The following COL10A1 variants were observed in gnomAD, a reference collection of about 807,000 sequenced individuals.
COL10A1 encodes collagen type X alpha 1 chain.
A neutral mutation model predicts 18.2 loss-of-function variants in COL10A1; 10 were observed. The observed-to-expected ratio is 0.55, with a 90% confidence interval of 0.34 to 0.93. The LOEUF (loss-of-function observed/expected upper bound fraction) is 0.93. COL10A1 is among the 40% of genes least tolerant of loss of function. The pLI, the probability that COL10A1 is intolerant of heterozygous loss-of-function variation, is 0.02. For missense variants in COL10A1, 897 were observed against 853.5 expected (o/e 1.05, Z -0.64); for synonymous variants, 330 against 316.6 (o/e 1.04, Z -0.45).
the COL10A1 span, among the ~76,000 whole-genome samples, chr6:116,195,339 A>C: frequency 6.6e-6 from 1 of 152,004 alleles, no homozygotes; most frequent in Admixed American, 6.6e-5. Flanking sequence ...AAACATTGGA[A>C]ATTTTTTTGG....
chr6:116,211,404 A>T, the COL10A1 span, among the ~76,000 whole-genome samples: 7 of 152,058 alleles, frequency 4.6e-5, no homozygotes, highest in African/African-American at 1.7e-4. Flanking sequence ...AATACAATGA[A>T]TTTTCTCTAG....
chr6:116,184,891 C>T, the COL10A1 span, among the ~76,000 whole-genome samples: 55 of 151,822 alleles, frequency 3.6e-4, no homozygotes, highest in Middle Eastern at 3.4e-3. Flanking sequence ...TTGCTCTGAT[C>T]TTGATTATTT....
the COL10A1 span, among the ~76,000 whole-genome samples, chr6:116,214,044 A>G: frequency 2.6e-5 from 4 of 152,106 alleles, no homozygotes. Context: ...CCATAATTTA[A>G]TGAGATTTTA....
At chr6:116,187,903 A>G in the COL10A1 span, among the ~76,000 whole-genome samples, 1 of 152,082 alleles carries the variant, frequency 6.6e-6, no homozygotes, top group Admixed American at 6.6e-5. Flanking sequence ...AAAAATTACT[A>G]AGAACGAAAG....
At chr6:116,163,141 A>AAAAAAT (rs761718922), upstream of COL10A1, among the ~76,000 whole-genome samples, 134 of 88,382 alleles carry the variant, frequency 1.5e-3, 3 homozygotes, top group African/African-American at 2.9e-3. Flanking sequence ...AAAAAAAAAA[A>AAAAAAT]ATATATATAT....
At chr6:116,170,292 G>T in the COL10A1 span, among the ~76,000 whole-genome samples, 10,264 of 152,074 alleles carry the variant, frequency 0.067, 534 homozygotes, top group Admixed American at 0.16. Flanking sequence ...AGATAATTGT[G>T]GTGTATATAT....
the COL10A1 span, among the ~76,000 whole-genome samples, chr6:116,178,695 C>T: frequency 2.6e-5 from 4 of 152,252 alleles, no homozygotes; most frequent in African/African-American, 7.2e-5. Flanking sequence ...TATTGTACTT[C>T]CAGAAATATA....
At chr6:116,192,577 T>C in the COL10A1 span, among the ~76,000 whole-genome samples, 2 of 152,196 alleles carry the variant, frequency 1.3e-5, no homozygotes, top group East Asian at 1.9e-4. Context: ...TTTCTTTTGA[T>C]ATAAAGTCAA....
intron 1 of COL10A1, among the ~76,000 whole-genome samples, chr6:116,154,985 A>G (rs1338656885): frequency 2.0e-5 from 3 of 152,210 alleles, no homozygotes; most frequent in African/African-American, 7.2e-5. Context: ...TTTCTGTTTA[A>G]CTTTTACTCC....
At chr6:116,171,355 AT>A in the COL10A1 span, among the ~76,000 whole-genome samples, 36 of 152,312 alleles carry the variant, frequency 2.4e-4, no homozygotes, top group African/African-American at 8.7e-4. Flanking sequence ...GAGACCAGGA[AT>A]TATAAATAGA....
At chr6:116,182,218 G>GGA in the COL10A1 span, among the ~76,000 whole-genome samples, 24,886 of 133,302 alleles carry the variant, frequency 0.19, 2,338 homozygotes, top group African/African-American at 0.3. Flanking sequence ...AGTATTCCAT[G>GGA]GAGAGTGTGT....
At chr6:116,214,602 T>C in the COL10A1 span, among the ~76,000 whole-genome samples, 3 of 152,128 alleles carry the variant, frequency 2.0e-5, no homozygotes, top group Non-Finnish European at 2.9e-5. Context: ...CCAAACCTAC[T>C]GAATCAGAAA....
the COL10A1 span, among the ~76,000 whole-genome samples, chr6:116,211,577 C>T: frequency 6.6e-6 from 1 of 151,932 alleles, no homozygotes. Context: ...ACTAGAACAG[C>T]CATTCATTAG....
At chr6:116,212,098 AT>A in the COL10A1 span, among the ~76,000 whole-genome samples, 6 of 152,090 alleles carry the variant, frequency 3.9e-5, no homozygotes, top group Non-Finnish European at 7.4e-5. Flanking sequence ...TTCTAATACT[AT>A]TTTATCAATT....
chr6:116,188,189 AT>A, the COL10A1 span, among the ~76,000 whole-genome samples: 1 of 152,050 alleles, frequency 6.6e-6, no homozygotes, highest in Non-Finnish European at 1.5e-5. Flanking sequence ...GAATCTAGTG[AT>A]TTCAGTGGTT....
At chr6:116,187,370 A>G in the COL10A1 span, among the ~76,000 whole-genome samples, 1 of 152,092 alleles carries the variant, frequency 6.6e-6, no homozygotes. Context: ...TCATGCCACA[A>G]TTTATATGGA....
chr6:116,126,601 A>T (rs951480604), upstream of COL10A1, among the ~76,000 whole-genome samples: 1 of 152,158 alleles, frequency 6.6e-6, no homozygotes, highest in Non-Finnish European at 1.5e-5. Context: ...ATATTCATAA[A>T]TTTTTGTGAA....
At chr6:116,177,908 C>G in the COL10A1 span, among the ~76,000 whole-genome samples, 1 of 152,102 alleles carries the variant, frequency 6.6e-6, no homozygotes, top group Non-Finnish European at 1.5e-5. Flanking sequence ...TGTACTTTTG[C>G]TAGAATACAT....
At chr6:116,146,317 C>T (rs1441054953) in intron 1 of COL10A1, among the ~76,000 whole-genome samples, 2 of 152,088 alleles carry the variant, frequency 1.3e-5, no homozygotes, top group African/African-American at 2.4e-5. Flanking sequence ...GAGTAGGTGG[C>T]GTCAACCTGT....
Sources: gnomAD v4.1 joint callset for allele counts (sites outside exome capture counted in the v4.1 genomes callset) on GRCh38, gnomAD v4.1.1 for gene constraint, MANE v1.5 for transcripts, NCBI Gene and HGNC (gene_info 2026-07-23, HGNC 2026-07-21) for gene names.